NCKAP5: variants seen among roughly 807,000 people sequenced by gnomAD.
NCKAP5 encodes the protein nck-associated protein 5.
Under a neutral mutation model 167.0 loss-of-function variants are expected in NCKAP5, and 92 were observed. The ratio of observed to expected loss-of-function variants is 0.55; its 90% CI spans 0.47 to 0.66. The LOEUF is 0.66. Among genes scored for constraint, NCKAP5 ranks in the 30% least tolerant of loss-of-function variants. The pLI is 0.00. For synonymous variants in NCKAP5, 891 were observed against 877.4 expected, an observed-to-expected ratio of 1.02 and a Z score of -0.27; for missense variants, 2,378 against 2,315.0, an observed-to-expected ratio of 1.03 and a Z score of -0.56.
At chr2:133,614,764 G>C in the NCKAP5 span, among the ~76,000 whole-genome samples, 9 of 151,560 alleles carry the variant, frequency 5.9e-5, no homozygotes, top group Non-Finnish European at 1.3e-4. Flanking sequence ...ATCTAGCAAG[G>C]CAGGCCAACA....
chr2:132,863,701 C>T (rs1370750547), intron 10 of NCKAP5, among the ~76,000 whole-genome samples: 2 of 152,154 alleles, frequency 1.3e-5, no homozygotes, highest in African/African-American at 4.8e-5. Context: ...TGGCCATTGA[C>T]AAACAGAAAT....
At chr2:133,618,438 G>T in the NCKAP5 span, among the ~76,000 whole-genome samples, 10 of 151,204 alleles carry the variant, frequency 6.6e-5, no homozygotes, top group East Asian at 1.9e-3. Flanking sequence ...AATCTACAAT[G>T]AACTCAAACA....
intron 8 of NCKAP5, among the ~76,000 whole-genome samples, chr2:132,945,140 G>C (rs1398384557): frequency 1.3e-5 from 2 of 152,080 alleles, no homozygotes; most frequent in African/African-American, 2.4e-5. Flanking sequence ...GGGGACAGGA[G>C]AAGGGAACTC....
intron 9 of NCKAP5, among the ~76,000 whole-genome samples, chr2:132,874,157 G>A (rs1691068797): frequency 7.2e-6 from 1 of 138,442 alleles, no homozygotes; most frequent in Non-Finnish European, 1.5e-5. Context: ...CACCCAGGCT[G>A]GAGTGCAGTG....
chr2:132,710,885 A>T lies in NCKAP5; in HGVS notation c.5713+14742T>A, dbSNP rs181329348. 7.5e-3 allele frequency among the ~76,000 whole-genome samples: 1,143 copies of T among 152,182 alleles called. 13 individuals carry two copies. Among genetic ancestry groups the T allele is most frequent in the African/African-American group, 0.024 (1,006 of 41,514 alleles). ...TGGCACTGAAGTGACAATTTTTTTA[A>T]AAAAAAGATCCGTCTTTTTAACATT... On this transcript the variant is annotated intron_variant, in intron 19 of 19. Transcript: ENST00000409261.
chr2:132,872,644 C>T lies in NCKAP5; in HGVS notation c.649-3670G>A, dbSNP rs949690045. ...ATGCTCTATGCTTTGACAGTCCTCT[C>T]CTGGCTAGTGGGCTTGCTTTCATAT... On this transcript the variant is annotated intron_variant, in intron 9 of 19. Transcript: ENST00000409261. 2.0e-4 allele frequency among the ~76,000 whole-genome samples: 31 copies of T among 152,182 alleles called. 1 individual carries two copies. The highest frequency in any genetic ancestry group is 1.6e-3 in the Admixed American group (25 of 15,280).
At chr2:132,848,530 T>C (rs1688838159) in intron 11 of NCKAP5, among the ~76,000 whole-genome samples, 1 of 152,342 alleles carries the variant, frequency 6.6e-6, no homozygotes, top group African/African-American at 2.4e-5. Flanking sequence ...TCCGAAAGTG[T>C]ATAATGTGTT....
the NCKAP5 span, among the ~76,000 whole-genome samples, chr2:133,597,547 T>C: frequency 6.6e-6 from 1 of 151,800 alleles, no homozygotes. Context: ...CACGTGCCTG[T>C]AGTCCCAGCT....
rs1348057125 is a variant in NCKAP5, at chr2:133,381,499, T to C, written c.70-78389A>G. 4 of 152,246 alleles carry C rather than the reference T, an allele frequency of 2.6e-5. No individual in the cohort carries two copies. In the East Asian group the frequency reaches 7.7e-4, roughly 29 times the overall value. 9.4% of individuals were successfully genotyped at this position (152,246 alleles called of 1,614,324 possible). A position where few individuals can be genotyped will look rare whatever the true frequency, so the allele number is the denominator to read the frequency against. ...GAACTGCTCCCTCTATCCAGAAATG[T>C]ATTTATTTACCATTCCTCAAACTGT... On this transcript the variant is annotated intron_variant, in intron 3 of 19. Transcript: ENST00000409261.
intron 19 of NCKAP5, among the ~76,000 whole-genome samples, chr2:132,690,743 A>C (rs1218995865): frequency 6.6e-6 from 1 of 152,194 alleles, no homozygotes; most frequent in African/African-American, 2.4e-5. Flanking sequence ...AATGGGAAGC[A>C]ATAGCAGAAG....
intron 6 of NCKAP5, among the ~76,000 whole-genome samples, chr2:133,055,542 A>G (rs2079768860): frequency 6.6e-6 from 1 of 150,746 alleles, no homozygotes; most frequent in African/African-American, 2.5e-5. Flanking sequence ...TAATACCAGG[A>G]AAGAATAAAT....
chr2:133,205,716 A>T (rs1330950015), intron 5 of NCKAP5, among the ~76,000 whole-genome samples: 2 of 152,182 alleles, frequency 1.3e-5, no homozygotes, highest in Non-Finnish European at 2.9e-5. Flanking sequence ...GGGTAAGCTG[A>T]TATCTTTATG....
intron 2 of NCKAP5, among the ~76,000 whole-genome samples, chr2:133,547,739 A>G (rs1476453455): frequency 1.3e-5 from 2 of 149,398 alleles, no homozygotes; most frequent in East Asian, 4.1e-4. Context: ...CATCACCATC[A>G]TCAAAGACCA....
chr2:133,198,581 T>C (rs765660534), intron 5 of NCKAP5, among the ~76,000 whole-genome samples: 2 of 152,044 alleles, frequency 1.3e-5, no homozygotes, highest in East Asian at 1.9e-4. Flanking sequence ...TAAAAAATAA[T>C]TAGGATTCAG....
the NCKAP5 span, among the ~76,000 whole-genome samples, chr2:133,630,921 CT>C: frequency 2.0e-5 from 3 of 152,184 alleles, no homozygotes; most frequent in Admixed American, 1.3e-4. Flanking sequence ...TTAATAAAAG[CT>C]GAATTATGAA....
chr2:132,839,949 A>C (rs1328630154), intron 11 of NCKAP5, among the ~76,000 whole-genome samples: 1 of 152,178 alleles, frequency 6.6e-6, no homozygotes, highest in East Asian at 1.9e-4. Context: ...ATATATTTAC[A>C]GTAGCGTACT....
At chr2:133,535,967 T>C (rs1327249206) in intron 2 of NCKAP5, among the ~76,000 whole-genome samples, 1 of 152,148 alleles carries the variant, frequency 6.6e-6, no homozygotes, top group African/African-American at 2.4e-5. Flanking sequence ...TCACCTCCTT[T>C]GGCCACTTTC....
At chr2:133,081,502 C>T (rs977236029) in intron 6 of NCKAP5, among the ~76,000 whole-genome samples, 1 of 152,160 alleles carries the variant, frequency 6.6e-6, no homozygotes, top group Non-Finnish European at 1.5e-5. Context: ...TGCATCCAAG[C>T]TAACAAATGC....
At chr2:133,241,044 A>G (rs1441464957) in intron 4 of NCKAP5, among the ~76,000 whole-genome samples, 1 of 152,230 alleles carries the variant, frequency 6.6e-6, no homozygotes, top group Non-Finnish European at 1.5e-5. Context: ...CTTAATCCTC[A>G]ACACAGGATT....
Sources: allele counts gnomAD v4.1 joint callset (sites outside exome capture counted in the v4.1 genomes callset), GRCh38; gene constraint gnomAD v4.1.1; transcripts MANE v1.5; gene names NCBI Gene and HGNC (gene_info 2026-07-23, HGNC 2026-07-21).